Variants in PCSK5 observed in about 807,000 individuals in gnomAD.
The protein encoded by PCSK5 is proprotein convertase subtilisin/kexin type 5.
A neutral mutation model predicts 233.2 loss-of-function variants in PCSK5; 129 were observed. The observed-to-expected ratio is 0.55, with a 90% confidence interval of 0.48 to 0.64. The LOEUF (loss-of-function observed/expected upper bound fraction) is 0.64. Among genes scored for constraint, PCSK5 ranks in the 30% least tolerant of loss-of-function variants. The probability of loss-of-function intolerance (pLI) is 0.00; values close to 1 mark genes in which losing one functional copy is unlikely to be tolerated. For synonymous variants in PCSK5, 825 were observed against 879.2 expected (o/e 0.94, Z 1.09); for missense variants, 2,076 against 2,430.1 (o/e 0.85, Z 3.06).
chr9:75,928,597 A>G (rs900819410), intron 1 of PCSK5, among the ~76,000 whole-genome samples: 12 of 8,348 alleles, frequency 1.4e-3, no homozygotes, highest in Admixed American at 4.7e-3. Flanking sequence ...ATATAAATAC[A>G]TATATATATA....
chr9:76,211,214 G>T (rs1190323871), intron 20 of PCSK5, among the ~76,000 whole-genome samples: 4 of 152,208 alleles, frequency 2.6e-5, no homozygotes, highest in African/African-American at 9.6e-5. Context: ...CTGAAAGTTT[G>T]CCATGTGGGA....
intron 1 of PCSK5, among the ~76,000 whole-genome samples, chr9:75,900,294 C>A (rs143513639): frequency 6.6e-6 from 1 of 152,096 alleles, no homozygotes; most frequent in South Asian, 2.1e-4. Context: ...GAGTGATCCC[C>A]GCATACAATT....
chr9:76,186,187 G>T (rs1824096521), intron 17 of PCSK5, among the ~76,000 whole-genome samples: 1 of 151,978 alleles, frequency 6.6e-6, no homozygotes, highest in Non-Finnish European at 1.5e-5. Flanking sequence ...TTGTTGTACT[G>T]TCTTCAAAAT....
chr9:76,067,110 G>A (rs755960826), intron 5 of PCSK5, among the ~76,000 whole-genome samples: 18 of 152,162 alleles, frequency 1.2e-4, no homozygotes, highest in Non-Finnish European at 2.5e-4. Flanking sequence ...TTAGGCCACC[G>A]TTTCTAAGCA....
At chr9:76,354,250 G>C in intron 37 of PCSK5, 31 bp downstream of exon 37, 1 of 1,522,510 alleles carries the variant, frequency 6.6e-7, no homozygotes, top group Non-Finnish European at 8.9e-7. Context: ...GCCTGCAGAG[G>C]AAGGGCATGT....
chr9:76,076,505 A>G (rs962111493), intron 7 of PCSK5, among the ~76,000 whole-genome samples: 1 of 152,218 alleles, frequency 6.6e-6, no homozygotes, highest in Non-Finnish European at 1.5e-5. Flanking sequence ...CATCAAGACC[A>G]TCAAAGAGAT....
chr9:76,282,063 T>TG (rs1491484333), intron 24 of PCSK5, among the ~76,000 whole-genome samples: 14 of 144,864 alleles, frequency 9.7e-5, no homozygotes, highest in Non-Finnish European at 1.8e-4. Context: ...TTTTTTTCTT[T>TG]CTTTTTTTTT....
chr9:76,131,921 G>C (rs780889099), intron 9 of PCSK5, among the ~76,000 whole-genome samples: 6 of 151,964 alleles, frequency 3.9e-5, no homozygotes, highest in South Asian at 4.1e-4. Context: ...AGATATTTTC[G>C]TCAAATCTAA....
At chr9:76,060,437 C>T (rs1392493067) in intron 5 of PCSK5, among the ~76,000 whole-genome samples, 1 of 152,026 alleles carries the variant, frequency 6.6e-6, no homozygotes, top group Non-Finnish European at 1.5e-5. Flanking sequence ...GGTCTGCATC[C>T]TCATCGCCTT....
chr9:76,230,628 C>G (rs1322416298), intron 21 of PCSK5, among the ~76,000 whole-genome samples: 1 of 152,156 alleles, frequency 6.6e-6, no homozygotes, highest in Non-Finnish European at 1.5e-5. Flanking sequence ...AGTGAAGCCT[C>G]GTCTGTATTT....
chr9:76,019,011 C>A (rs367930963), intron 3 of PCSK5, among the ~76,000 whole-genome samples: 2 of 152,288 alleles, frequency 1.3e-5, no homozygotes, highest in South Asian at 2.1e-4. Context: ...TAGTCCTATG[C>A]TGTGGTGTCA....
chr9:76,286,308 C>A (rs17062349), intron 24 of PCSK5, among the ~76,000 whole-genome samples: 18 of 152,198 alleles, frequency 1.2e-4, no homozygotes, highest in Non-Finnish European at 2.2e-4. Context: ...GGCAGCTTAT[C>A]TGAGGTCCAT....
At chr9:75,902,871 T>C (rs1826101134) in intron 1 of PCSK5, among the ~76,000 whole-genome samples, 1 of 152,212 alleles carries the variant, frequency 6.6e-6, no homozygotes, top group Non-Finnish European at 1.5e-5. Flanking sequence ...GATGATTGCT[T>C]TCAACTCCCA....
intron 26 of PCSK5, among the ~76,000 whole-genome samples, 194 bp downstream of exon 26, chr9:76,295,605 A>G (rs1181573021): frequency 6.6e-6 from 1 of 152,228 alleles, no homozygotes; most frequent in Non-Finnish European, 1.5e-5. Context: ...TTACTGAAGC[A>G]TGGTTCCTGT....
intron 2 of PCSK5, among the ~76,000 whole-genome samples, chr9:75,949,358 T>G (rs1368973846): frequency 6.6e-6 from 1 of 151,920 alleles, no homozygotes; most frequent in Admixed American, 6.6e-5. Flanking sequence ...GTGTAAGGAC[T>G]GACCAAAATC....
At chr9:75,989,004 T>C (rs554910779) in intron 3 of PCSK5, among the ~76,000 whole-genome samples, 8 of 152,294 alleles carry the variant, frequency 5.3e-5, no homozygotes, top group African/African-American at 1.9e-4. Flanking sequence ...GTGGGATAAA[T>C]AAAGTATCTT....
At chr9:75,998,462 A>G (rs1827118994) in intron 3 of PCSK5, among the ~76,000 whole-genome samples, 1 of 152,206 alleles carries the variant, frequency 6.6e-6, no homozygotes, top group Non-Finnish European at 1.5e-5. Flanking sequence ...AATGGGTCTA[A>G]ATCATAATTC....
chr9:76,113,975 C>G (rs1045312233), intron 9 of PCSK5, among the ~76,000 whole-genome samples: 2 of 152,008 alleles, frequency 1.3e-5, no homozygotes, highest in Admixed American at 6.6e-5. Flanking sequence ...AGTACTTGCA[C>G]AGAGAGAAAT....
intron 5 of PCSK5, among the ~76,000 whole-genome samples, chr9:76,046,562 T>TC (rs1324574182): frequency 8.6e-6 from 1 of 116,078 alleles, no homozygotes; most frequent in Non-Finnish European, 1.6e-5. Flanking sequence ...TCTTTTTCTT[T>TC]TTTTTTTTTT....
Sources: gnomAD v4.1 joint callset for allele counts (sites outside exome capture counted in the v4.1 genomes callset) on GRCh38, gnomAD v4.1.1 for gene constraint, MANE v1.5 for transcripts, NCBI Gene and HGNC (gene_info 2026-07-23, HGNC 2026-07-21) for gene names.